LRP1B: variants seen among roughly 807,000 people sequenced by gnomAD.
The protein encoded by LRP1B is low-density lipoprotein receptor-related protein 1B.
Under a neutral mutation model 556.6 loss-of-function variants are expected in LRP1B, and 217 were observed. The observed-to-expected ratio is 0.39, with a 90% CI of 0.35 to 0.44. The LOEUF is 0.44. Ranked by LOEUF, LRP1B falls within the 20% of genes least tolerant of loss-of-function variation. The probability of loss-of-function intolerance (pLI) is 1.00; values close to 1 mark genes in which losing one functional copy is unlikely to be tolerated. For missense variants in LRP1B, 5,053 were observed against 5,620.8 expected (o/e 0.90, Z 3.23); for synonymous variants, 2,047 against 1,865.8 (o/e 1.10, Z -2.50).
intron 1 of LRP1B, among the ~76,000 whole-genome samples, chr2:141,987,560 T>TTTC (rs1553498337): frequency 4.0e-5 from 6 of 150,902 alleles, no homozygotes; most frequent in African/African-American, 1.5e-4. Flanking sequence ...TTTTTTTTTT[T>TTTC]TTTCTTTCTT....
chr2:140,235,800 T>C (rs1379899178), intron 89 of LRP1B, among the ~76,000 whole-genome samples: 2 of 150,516 alleles, frequency 1.3e-5, no homozygotes, highest in Non-Finnish European at 3.0e-5. Context: ...GAAATAAAAA[T>C]GATGAGGAAA....
At chr2:140,594,562 A>G (rs1386877629) in intron 43 of LRP1B, among the ~76,000 whole-genome samples, 1 of 152,174 alleles carries the variant, frequency 6.6e-6, no homozygotes, top group African/African-American at 2.4e-5. Context: ...CTAAATTTAT[A>G]AGAATCTCTC....
chr2:141,060,831 C>A (rs1699314460), intron 8 of LRP1B, among the ~76,000 whole-genome samples: 1 of 151,536 alleles, frequency 6.6e-6, no homozygotes, highest in Non-Finnish European at 1.5e-5. Flanking sequence ...TGCCTTCAGC[C>A]CCAGTACTTC....
chr2:140,254,706 A>G (rs1681601485), intron 86 of LRP1B, among the ~76,000 whole-genome samples: 1 of 152,004 alleles, frequency 6.6e-6, no homozygotes, highest in Non-Finnish European at 1.5e-5. Context: ...GGCACTTGCC[A>G]CCACACCCGG....
At chr2:142,061,380 T>C (rs1356593120) in intron 1 of LRP1B, among the ~76,000 whole-genome samples, 1 of 152,002 alleles carries the variant, frequency 6.6e-6, no homozygotes, top group African/African-American at 2.4e-5. Flanking sequence ...TTCAAGTCTG[T>C]TCCGAAACAC....
At chr2:141,974,382 G>A (rs1701825386) in intron 1 of LRP1B, among the ~76,000 whole-genome samples, 1 of 151,934 alleles carries the variant, frequency 6.6e-6, no homozygotes, top group South Asian at 2.1e-4. Flanking sequence ...TCAAGGAACT[G>A]GTTAAACATT....
intron 81 of LRP1B, 135 bp from the exon 82 acceptor site, chr2:140,322,223 G>T (rs1173768902): frequency 5.1e-6 from 4 of 790,850 alleles, no homozygotes; most frequent in Non-Finnish European, 8.2e-6. Context: ...CTGATGTGGA[G>T]TATCTCACTC....
At chr2:140,478,235 C>T (rs1425964958) in intron 59 of LRP1B, among the ~76,000 whole-genome samples, 9 of 149,982 alleles carry the variant, frequency 6.0e-5, no homozygotes, top group South Asian at 2.1e-4. Context: ...CTGCAGCCTC[C>T]GCCTCCCGGG....
At chr2:141,377,855 T>C (rs561078280) in intron 3 of LRP1B, among the ~76,000 whole-genome samples, 18 of 152,080 alleles carry the variant, frequency 1.2e-4, no homozygotes, top group African/African-American at 3.9e-4. Context: ...TTCATAGGAG[T>C]TTTGAGGAGA....
At chr2:140,498,423 C>T (rs1689040388) in intron 55 of LRP1B, among the ~76,000 whole-genome samples, 2 of 151,752 alleles carry the variant, frequency 1.3e-5, no homozygotes, top group Admixed American at 1.3e-4. Flanking sequence ...GTAAATTATC[C>T]TTCCTATCAA....
intron 1 of LRP1B, among the ~76,000 whole-genome samples, chr2:141,936,868 A>G (rs1047233732): frequency 1.3e-5 from 2 of 150,380 alleles, no homozygotes; most frequent in African/African-American, 4.9e-5. Context: ...TTCATTATAT[A>G]TTTTCTCCTA....
chr2:140,996,795 A>T (rs1270548647), intron 15 of LRP1B, among the ~76,000 whole-genome samples: 1 of 152,000 alleles, frequency 6.6e-6, no homozygotes, highest in Non-Finnish European at 1.5e-5. Context: ...CAAAAAGATA[A>T]AAGATAAAGA....
intron 2 of LRP1B, among the ~76,000 whole-genome samples, chr2:141,622,080 G>T (rs1688524583): frequency 6.6e-6 from 1 of 151,928 alleles, no homozygotes; most frequent in Admixed American, 6.6e-5. Context: ...TAGTAGAGAC[G>T]AGGTTTCTCC....
chr2:142,091,917 C>T (rs994684200), intron 1 of LRP1B, among the ~76,000 whole-genome samples: 1 of 152,104 alleles, frequency 6.6e-6, no homozygotes, highest in African/African-American at 2.4e-5. Context: ...AGAGAGCTAC[C>T]CTAGACAATT....
intron 2 of LRP1B, among the ~76,000 whole-genome samples, chr2:141,501,373 ATCT>A (rs1268206731): frequency 1.3e-5 from 2 of 152,154 alleles, no homozygotes; most frequent in East Asian, 1.9e-4. Flanking sequence ...GTTCAAAAAC[ATCT>A]TCTTTTTATG....
chr2:141,815,894 G>A (rs909411428), intron 1 of LRP1B, among the ~76,000 whole-genome samples: 1 of 151,624 alleles, frequency 6.6e-6, no homozygotes, highest in African/African-American at 2.4e-5. Context: ...TGAACCCACC[G>A]GAAGGAACCA....
At chr2:140,565,445 A>C (rs573372734) in intron 43 of LRP1B, among the ~76,000 whole-genome samples, 1 of 152,094 alleles carries the variant, frequency 6.6e-6, no homozygotes, top group South Asian at 2.1e-4. Flanking sequence ...ACAAAAATTG[A>C]AATGGTGCCA....
chr2:141,388,737 T>C (rs1387602458), intron 3 of LRP1B, among the ~76,000 whole-genome samples: 1 of 152,134 alleles, frequency 6.6e-6, no homozygotes, highest in Non-Finnish European at 1.5e-5. Context: ...TATCAGATGA[T>C]ATGAACCAAT....
intron 7 of LRP1B, among the ~76,000 whole-genome samples, chr2:141,180,369 T>G (rs1171233801): frequency 1.3e-5 from 2 of 150,850 alleles, no homozygotes; most frequent in Non-Finnish European, 3.0e-5. Flanking sequence ...CAACTAGAAA[T>G]AATTTTAAAC....
Sources: allele counts gnomAD v4.1 joint callset (sites outside exome capture counted in the v4.1 genomes callset), GRCh38; gene constraint gnomAD v4.1.1; transcripts MANE v1.5; gene names NCBI Gene and HGNC (gene_info 2026-07-23, HGNC 2026-07-21).